Variants in MTUS2 observed in about 807,000 individuals in gnomAD.
The protein encoded by MTUS2 is microtubule-associated tumor suppressor candidate 2.
A neutral mutation model predicts 114.1 loss-of-function variants in MTUS2; 40 were observed. The ratio of observed to expected loss-of-function variants is 0.35; its 90% confidence interval spans 0.27 to 0.46. The LOEUF is 0.46. MTUS2 is among the 20% of genes least tolerant of loss of function. The pLI, the probability that MTUS2 is intolerant of heterozygous loss-of-function variation, is 1.00. For missense variants in MTUS2, 1,679 were observed against 1,705.4 expected (o/e 0.98, Z 0.27); for synonymous variants, 688 against 672.0 (o/e 1.02, Z -0.37).
intron 2 of MTUS2, among the ~76,000 whole-genome samples, chr13:28,905,655 C>G (rs1364863009): frequency 6.6e-6 from 1 of 151,518 alleles, no homozygotes; most frequent in East Asian, 1.9e-4. Flanking sequence ...ATTCAGTTTG[C>G]CAGTATTTTA....
At chr13:29,347,017 A>T (rs1048142777) in intron 7 of MTUS2, among the ~76,000 whole-genome samples, 1 of 151,422 alleles carries the variant, frequency 6.6e-6, no homozygotes, top group African/African-American at 2.4e-5. Context: ...TCAGTGTGTC[A>T]TGGAGCCCGC....
intron 2 of MTUS2, among the ~76,000 whole-genome samples, chr13:29,021,779 T>C (rs983944502): frequency 6.6e-6 from 1 of 152,226 alleles, no homozygotes; most frequent in Non-Finnish European, 1.5e-5. Flanking sequence ...ATGTGTATCT[T>C]CAAGGGAAAC....
intron 8 of MTUS2, among the ~76,000 whole-genome samples, chr13:29,403,259 T>C (rs1013242379): frequency 1.3e-5 from 2 of 152,142 alleles, no homozygotes; most frequent in African/African-American, 4.8e-5. Context: ...CCACTCCTCT[T>C]GTGTGTTTCT....
At chr13:29,105,024 G>A (rs7986301) in intron 5 of MTUS2, among the ~76,000 whole-genome samples, 102,197 of 152,026 alleles carry the variant, frequency 0.67, 35,055 homozygotes, top group Non-Finnish European at 0.74. Flanking sequence ...TCTGAAATTC[G>A]AAATGCTCCA....
intron 5 of MTUS2, among the ~76,000 whole-genome samples, chr13:29,209,325 T>A (rs6490368): frequency 6.6e-6 from 1 of 152,166 alleles, no homozygotes; most frequent in Non-Finnish European, 1.5e-5. Context: ...TTATGTTGTT[T>A]GGTGAGTCTC....
intron 10 of MTUS2, among the ~76,000 whole-genome samples, chr13:29,483,685 T>C (rs1283917462): frequency 6.6e-6 from 1 of 152,228 alleles, no homozygotes; most frequent in South Asian, 2.1e-4. Flanking sequence ...GTGTTGCCTC[T>C]TGGCTTTCTT....
chr13:29,501,805 C>G (rs1882922538), intron 15 of MTUS2, among the ~76,000 whole-genome samples: 1 of 151,182 alleles, frequency 6.6e-6, no homozygotes. Context: ...GCACACATAA[C>G]TCGTGCATAT....
At chr13:28,866,006 T>G (rs1042974797) in intron 2 of MTUS2, among the ~76,000 whole-genome samples, 7 of 152,174 alleles carry the variant, frequency 4.6e-5, no homozygotes, top group Non-Finnish European at 1.0e-4. Context: ...TAGAATGTTT[T>G]TTAGGTTTCT....
rs1464236329 is a variant in MTUS2, at chr13:29,504,911, G to A, written c.*1705G>A. 8.6e-6 allele frequency: 2 copies of A among 232,316 alleles called. No individual in the cohort carries two copies. The allele number at this position is 232,316 out of a possible 1,614,324, so 14.4% of individuals were successfully genotyped here. A position where few individuals can be genotyped will look rare whatever the true frequency, so the allele number is the denominator to read the frequency against. On this transcript the variant is annotated 3_prime_UTR_variant, in exon 16 of 16. Transcript: ENST00000612955. Reference sequence around the variant, plus strand: ...GACGGGGTCGGCTTGTCCAGGGCACGCCTGCTCGGCACACGTGTTGCCAAC... The same window carrying A: ...GACGGGGTCGGCTTGTCCAGGGCACACCTGCTCGGCACACGTGTTGCCAAC...
At chr13:28,916,971 C>G (rs767762934) in intron 2 of MTUS2, among the ~76,000 whole-genome samples, 4 of 151,800 alleles carry the variant, frequency 2.6e-5, no homozygotes, top group East Asian at 1.9e-4. Flanking sequence ...GGGTTTTTAT[C>G]ATGAAGGGAT....
At chr13:29,219,871 G>A (rs1384969795) in intron 5 of MTUS2, among the ~76,000 whole-genome samples, 2 of 152,136 alleles carry the variant, frequency 1.3e-5, no homozygotes, top group Non-Finnish European at 2.9e-5. Context: ...ATGTTGCTCT[G>A]GATTATGGTT....
chr13:29,407,447 C>CTTATTTAT (rs199911224), intron 8 of MTUS2, among the ~76,000 whole-genome samples: 3,684 of 139,340 alleles, frequency 0.026, 64 homozygotes, highest in South Asian at 0.03. Context: ...AGTGATTGTA[C>CTTATTTAT]TTATTTATTT....
intron 2 of MTUS2, among the ~76,000 whole-genome samples, chr13:28,930,359 G>A (rs941450390): frequency 6.6e-6 from 1 of 152,186 alleles, no homozygotes; most frequent in Non-Finnish European, 1.5e-5. Context: ...GCTGCATGGT[G>A]GGACTGCCCG....
At chr13:28,880,798 G>T (rs936652696) in intron 2 of MTUS2, among the ~76,000 whole-genome samples, 1 of 152,108 alleles carries the variant, frequency 6.6e-6, no homozygotes, top group African/African-American at 2.4e-5. Context: ...AGGCAGACAC[G>T]ATTTTACCCA....
intron 8 of MTUS2, among the ~76,000 whole-genome samples, chr13:29,385,337 TC>T (rs1393974641): frequency 1.3e-4 from 20 of 152,236 alleles, no homozygotes; most frequent in Admixed American, 3.3e-4. Flanking sequence ...CACTGGGTGC[TC>T]GGTGTTTCAC....
intron 2 of MTUS2, among the ~76,000 whole-genome samples, chr13:28,907,000 G>A (rs953464202): frequency 6.6e-6 from 1 of 151,514 alleles, no homozygotes; most frequent in African/African-American, 2.4e-5. Flanking sequence ...GGCAGCCAGA[G>A]AGAAAGGTCG....
chr13:29,099,267 C>G (rs1328110199), intron 4 of MTUS2, among the ~76,000 whole-genome samples: 1 of 152,178 alleles, frequency 6.6e-6, no homozygotes, highest in African/African-American at 2.4e-5. Flanking sequence ...TTCCCAAGCA[C>G]TAGGACAGGC....
At chr13:29,412,574 T>C (rs900836786) in intron 8 of MTUS2, among the ~76,000 whole-genome samples, 2 of 152,130 alleles carry the variant, frequency 1.3e-5, no homozygotes, top group African/African-American at 4.8e-5. Flanking sequence ...GTATAAAAAT[T>C]AGGTCATACT....
intron 5 of MTUS2, among the ~76,000 whole-genome samples, chr13:29,241,409 A>G (rs1896728093): frequency 6.6e-6 from 1 of 152,196 alleles, no homozygotes; most frequent in South Asian, 2.1e-4. Flanking sequence ...TTACTTGCGT[A>G]GTACCTTTTT....
Sources: gnomAD v4.1 joint callset for allele counts (sites outside exome capture counted in the v4.1 genomes callset) on GRCh38, gnomAD v4.1.1 for gene constraint, MANE v1.5 for transcripts, NCBI Gene and HGNC (gene_info 2026-07-23, HGNC 2026-07-21) for gene names.